The following TOX variants were observed in gnomAD, a reference collection of about 807,000 sequenced individuals.
TOX encodes thymocyte selection-associated high mobility group box protein TOX.
Under a neutral mutation model 53.7 loss-of-function variants are expected in TOX, and 11 were observed. That is an observed-to-expected ratio of 0.20 (90% CI 0.13 to 0.34). The LOEUF (loss-of-function observed/expected upper bound fraction) is 0.34, where lower values mean the gene tolerates loss of function less well. TOX is among the 10% of genes least tolerant of loss of function. The pLI is 1.00. For synonymous variants in TOX, 225 were observed against 245.3 expected (o/e 0.92, Z 0.77); for missense variants, 570 against 664.6 (o/e 0.86, Z 1.56).
intron 1 of TOX, among the ~76,000 whole-genome samples, chr8:59,040,060 C>T (rs147104539): frequency 0.022 from 3,362 of 152,208 alleles, 87 homozygotes; most frequent in South Asian, 0.088. Flanking sequence ...CCGGGCGCGG[C>T]GGCTCACGCC....
In TOX at chr8:58,870,111, A is replaced by G. The variant is rs568535086; in HGVS notation, c.412-18306T>C. 4.6e-5 allele frequency among the ~76,000 whole-genome samples: 7 copies of G among 152,258 alleles called. No individual in the cohort carries two copies. The East Asian group carries it at 1.4e-3, about 29-fold the overall frequency. On this transcript the variant is annotated intron_variant, in intron 3 of 8. Coordinates refer to ENST00000361421, the MANE Select transcript of TOX (RefSeq NM_014729.3). The stretch of plus-strand genomic sequence containing the variant: ...AATGCAAGAAAATAAAGGGTTGAAC[A>G]GATCGGAAAGGAAGAAATAAGACCG...
At chr8:58,925,841 T>C (rs1247756751) in intron 3 of TOX, among the ~76,000 whole-genome samples, 1 of 152,234 alleles carries the variant, frequency 6.6e-6, no homozygotes, top group Non-Finnish European at 1.5e-5. Flanking sequence ...GTACCATTTT[T>C]AAGGGACTAT....
intron 6 of TOX, among the ~76,000 whole-genome samples, chr8:58,815,952 C>T (rs994708017): frequency 1.3e-5 from 2 of 152,058 alleles, no homozygotes; most frequent in African/African-American, 4.8e-5. Context: ...CATTTTGTTC[C>T]TTTGCCTAAA....
intron 1 of TOX, among the ~76,000 whole-genome samples, chr8:59,077,737 C>T (rs570521669): frequency 1.2e-3 from 185 of 152,086 alleles, no homozygotes; most frequent in Middle Eastern, 6.8e-3. Flanking sequence ...GAATGAAGTT[C>T]GATACTTATT....
intron 1 of TOX, among the ~76,000 whole-genome samples, chr8:59,115,363 G>A (rs1805084249): frequency 6.6e-6 from 1 of 152,120 alleles, no homozygotes; most frequent in South Asian, 2.1e-4. Context: ...TAAAACCAGT[G>A]AAAACAATCT....
At position 59,036,980 on chromosome 8, in the gene TOX, C is replaced by G. The variant is rs548791996; in HGVS notation, c.103-76972G>C. 2.6e-5 allele frequency among the ~76,000 whole-genome samples: 4 copies of G among 152,320 alleles called. No homozygotes were observed. In the South Asian group the frequency reaches 8.3e-4, roughly 32 times the overall value. On this transcript the variant is annotated intron_variant, in intron 1 of 8. Coordinates refer to ENST00000361421, the MANE Select transcript of TOX (RefSeq NM_014729.3). Reference sequence around the variant, plus strand: ...AACAATGGTCTTTCTGGATTAATATCTGGCAATTCCTTATATGACCTGGAA... The same window carrying G: ...AACAATGGTCTTTCTGGATTAATATGTGGCAATTCCTTATATGACCTGGAA...
At chr8:59,081,682 G>A (rs978785924) in intron 1 of TOX, among the ~76,000 whole-genome samples, 2 of 152,174 alleles carry the variant, frequency 1.3e-5, no homozygotes, top group Admixed American at 6.5e-5. Context: ...ACTTGGGAAA[G>A]CTCTAATAAC....
chr8:58,990,421 A>C lies in TOX; in HGVS notation c.103-30413T>G, dbSNP rs377062016. On this transcript the variant is annotated intron_variant, in intron 1 of 8. Coordinates refer to ENST00000361421, the MANE Select transcript of TOX (RefSeq NM_014729.3). ...GTTATTCATTTATTTATTTTTATTT[A>C]TTTATTTATTTATTTTTTATTATTA... Among the ~76,000 whole-genome samples the C allele has an allele frequency of 8.6e-5, 13 of 150,912 alleles. No individual in the cohort carries two copies. The East Asian group carries it at 1.2e-3, about 13-fold the overall frequency.
At chr8:59,102,533 C>T (rs578170431) in intron 1 of TOX, among the ~76,000 whole-genome samples, 1 of 152,186 alleles carries the variant, frequency 6.6e-6, no homozygotes, top group South Asian at 2.1e-4. Context: ...CCAGTCGAAA[C>T]TCCCGTTTTT....
At position 59,034,402 on chromosome 8, in the gene TOX, C is replaced by A. The variant is rs183989098; in HGVS notation, c.103-74394G>T. On this transcript the variant is annotated intron_variant, in intron 1 of 8. Transcript: ENST00000361421. ...CTCCCAGCTCAACTGGAGAATATAG[C>A]CTTATCCAGATATCCTTCCCTATCC... 8.5e-5 allele frequency among the ~76,000 whole-genome samples: 13 copies of A among 152,330 alleles called. No individual in the cohort carries two copies. In the East Asian group the frequency reaches 2.1e-3, roughly 25 times the overall value.
At chr8:58,905,882 G>A (rs1811805893) in intron 3 of TOX, among the ~76,000 whole-genome samples, 1 of 152,124 alleles carries the variant, frequency 6.6e-6, no homozygotes, top group South Asian at 2.1e-4. Context: ...TGTCACAATC[G>A]TGCCAAAGAT....
chr8:58,845,243 A>G (rs1445468104), intron 4 of TOX, among the ~76,000 whole-genome samples: 1 of 152,166 alleles, frequency 6.6e-6, no homozygotes, highest in Non-Finnish European at 1.5e-5. Flanking sequence ...GTAGTTTAAA[A>G]TAGATTTTAA....
intron 1 of TOX, among the ~76,000 whole-genome samples, chr8:59,021,655 T>A (rs1054979179): frequency 3.2e-4 from 48 of 151,684 alleles, no homozygotes; most frequent in African/African-American, 1.1e-3. Context: ...AGATTGGTTT[T>A]CTCGAATAGT....
chr8:58,846,087 T>G (rs1225386042), intron 4 of TOX, among the ~76,000 whole-genome samples: 1 of 152,126 alleles, frequency 6.6e-6, no homozygotes, highest in Non-Finnish European at 1.5e-5. Context: ...ATCTAGGGTA[T>G]GTCTATATCC....
chr8:58,847,488 A>T (rs1810736823), intron 4 of TOX, among the ~76,000 whole-genome samples: 1 of 152,172 alleles, frequency 6.6e-6, no homozygotes, highest in South Asian at 2.1e-4. Context: ...TTAAATCAGA[A>T]TGTAATACAT....
intron 5 of TOX, among the ~76,000 whole-genome samples, chr8:58,833,457 A>G (rs1389105643): frequency 6.6e-6 from 1 of 152,176 alleles, no homozygotes; most frequent in Non-Finnish European, 1.5e-5. Context: ...CACTACAATG[A>G]CCAGAATCAG....
chr8:58,922,575 G>A lies in TOX; in HGVS notation c.411+16727C>T, dbSNP rs144343576. 6.3e-3 allele frequency among the ~76,000 whole-genome samples: 961 copies of A among 152,078 alleles called. 13 individuals carry two copies. Among genetic ancestry groups the A allele is most frequent in the African/African-American group, 0.022 (921 of 41,470 alleles). On this transcript the variant is annotated intron_variant, in intron 3 of 8. Transcript: ENST00000361421. The stretch of plus-strand genomic sequence containing the variant: ...ATATACATATATATAAAAAACACCA[G>A]ATATATATGTGTTATTCAACAATAC...
At chr8:59,013,761 C>T (rs1478291740) in intron 1 of TOX, among the ~76,000 whole-genome samples, 1 of 152,132 alleles carries the variant, frequency 6.6e-6, no homozygotes, top group Non-Finnish European at 1.5e-5. Context: ...CATATTCTGC[C>T]CCAAATTTCC....
At chr8:59,001,969 CTT>C (rs1182278313) in intron 1 of TOX, among the ~76,000 whole-genome samples, 26,063 of 113,374 alleles carry the variant, frequency 0.23, 2,275 homozygotes, top group African/African-American at 0.37. Flanking sequence ...TACAGAAGTA[CTT>C]TTTTTTTTTT....
Sources: allele counts gnomAD v4.1 joint callset (sites outside exome capture counted in the v4.1 genomes callset), GRCh38; gene constraint gnomAD v4.1.1; transcripts MANE v1.5; gene names NCBI Gene and HGNC (gene_info 2026-07-23, HGNC 2026-07-21).